FAM13A: variants seen among roughly 807,000 people sequenced by gnomAD.
FAM13A encodes protein FAM13A.
A neutral mutation model predicts 129.6 loss-of-function variants in FAM13A; 76 were observed. The ratio of observed to expected loss-of-function variants is 0.59; its 90% CI spans 0.49 to 0.71. FAM13A has a LOEUF of 0.71. Ranked by LOEUF, FAM13A falls within the 30% of genes least tolerant of loss-of-function variation. The pLI is 0.00. For missense variants in FAM13A, 1,108 were observed against 1,249.3 expected (o/e 0.89, Z 1.70); for synonymous variants, 443 against 449.9 (o/e 0.98, Z 0.20).
At chr4:88,796,326 G>A (rs1271287296) in intron 8 of FAM13A, among the ~76,000 whole-genome samples, 1 of 151,762 alleles carries the variant, frequency 6.6e-6, no homozygotes, top group Non-Finnish European at 1.5e-5. Context: ...ATTACACTGT[G>A]GTCAGAAATT....
In FAM13A at chr4:88,727,816, A is replaced by G. The variant is rs916114854; in HGVS notation, c.*717T>C. On this transcript the variant is annotated 3_prime_UTR_variant, in exon 24 of 24. Transcript: ENST00000264344. The stretch of plus-strand genomic sequence containing the variant: ...ATCAGCATTCATACAGCTGCTTACC[A>G]TCTCTCTGTCCTCTGCAGATGACCC... 3 of 152,242 alleles carry G rather than the reference A, an allele frequency of 2.0e-5. No individual in the cohort carries two copies. Among genetic ancestry groups the G allele is most frequent in the African/African-American group, 7.2e-5 (3 of 41,456 alleles). 9.4% of individuals were successfully genotyped at this position (152,242 alleles called of 1,614,324 possible).
chr4:89,040,489 T>C (rs1457640991), intron 1 of FAM13A, among the ~76,000 whole-genome samples: 2 of 152,200 alleles, frequency 1.3e-5, no homozygotes, highest in African/African-American at 4.8e-5. Flanking sequence ...AATTTAAAAA[T>C]TAACAATAAC....
chr4:88,923,329 C>A (rs1751460109), intron 5 of FAM13A, among the ~76,000 whole-genome samples: 1 of 152,172 alleles, frequency 6.6e-6, no homozygotes, highest in South Asian at 2.1e-4. Flanking sequence ...CCGAATTCAG[C>A]AGCACATCAA....
intron 5 of FAM13A, among the ~76,000 whole-genome samples, chr4:88,922,489 T>C (rs1751291175): frequency 2.6e-5 from 4 of 152,122 alleles, no homozygotes; most frequent in African/African-American, 9.6e-5. Flanking sequence ...AATAAAGATG[T>C]TCTTTGAAAC....
chr4:88,764,816 A>C (rs1745433767), intron 13 of FAM13A, among the ~76,000 whole-genome samples: 1 of 152,104 alleles, frequency 6.6e-6, no homozygotes, highest in Non-Finnish European at 1.5e-5. Context: ...GTGACTCTTG[A>C]CTTTTTTTCT....
At chr4:88,731,588 TC>T (rs1737807523) in intron 22 of FAM13A, 160 bp from the exon 23 acceptor site, 1 of 539,068 alleles carries the variant, frequency 1.9e-6, no homozygotes, top group Non-Finnish European at 3.2e-6. Flanking sequence ...GTTTTCCATT[TC>T]CTGAAAGCCA....
chr4:88,819,064 C>T (rs1731378992), intron 7 of FAM13A, among the ~76,000 whole-genome samples: 2 of 152,112 alleles, frequency 1.3e-5, no homozygotes, highest in African/African-American at 4.8e-5. Context: ...GTTTATTAAT[C>T]GTCTTTAAGT....
intron 4 of FAM13A, among the ~76,000 whole-genome samples, chr4:88,978,288 T>G (rs1466074234): frequency 6.6e-6 from 1 of 152,236 alleles, no homozygotes; most frequent in Non-Finnish European, 1.5e-5. Context: ...TTTTTAATCT[T>G]TAAAAGTCTG....
At chr4:88,821,781 C>T (rs969960454) in intron 7 of FAM13A, among the ~76,000 whole-genome samples, 1 of 152,176 alleles carries the variant, frequency 6.6e-6, no homozygotes, top group East Asian at 1.9e-4. Flanking sequence ...TATTTGTAAA[C>T]CACTTTCTGC....
chr4:89,042,062 C>A (rs1579902357), intron 1 of FAM13A, among the ~76,000 whole-genome samples: 1 of 144,566 alleles, frequency 6.9e-6, no homozygotes, highest in South Asian at 2.2e-4. Context: ...GCCTTCATTG[C>A]AGCACATCTT....
chr4:88,833,442 T>C (rs990569052), intron 7 of FAM13A, among the ~76,000 whole-genome samples: 7 of 152,326 alleles, frequency 4.6e-5, no homozygotes, highest in African/African-American at 1.7e-4. Flanking sequence ...TTAAACATTT[T>C]CTTTTGAAAA....
intron 6 of FAM13A, among the ~76,000 whole-genome samples, chr4:88,875,457 C>G (rs1742234072): frequency 6.6e-6 from 1 of 152,144 alleles, no homozygotes; most frequent in African/African-American, 2.4e-5. Context: ...ATAAATCAAA[C>G]AACCCCATCA....
intron 4 of FAM13A, among the ~76,000 whole-genome samples, chr4:88,941,982 T>A (rs987231655): frequency 8.5e-5 from 13 of 152,130 alleles, no homozygotes; most frequent in African/African-American, 2.9e-4. Context: ...GCCAAAGCCA[T>A]CTTGGCTCTA....
At chr4:88,984,419 A>T (rs1176638085) in intron 4 of FAM13A, among the ~76,000 whole-genome samples, 1 of 152,204 alleles carries the variant, frequency 6.6e-6, no homozygotes, top group Non-Finnish European at 1.5e-5. Flanking sequence ...TATGCAAAGT[A>T]TATAAACAAC....
chr4:88,885,808 C>CAA (rs60733033), intron 6 of FAM13A, among the ~76,000 whole-genome samples: 8 of 125,416 alleles, frequency 6.4e-5, no homozygotes, highest in East Asian at 2.4e-4. Context: ...AACAAATTAG[C>CAA]AAAAAAAAAA....
At chr4:88,800,710 G>GAA (rs527627636) in intron 8 of FAM13A, among the ~76,000 whole-genome samples, 13 of 129,758 alleles carry the variant, frequency 1.0e-4, no homozygotes, top group African/African-American at 3.6e-4. Flanking sequence ...AAAAAAAAAA[G>GAA]AAAAAAAAAA....
At chr4:88,876,767 A>AT (rs1742584567) in intron 6 of FAM13A, among the ~76,000 whole-genome samples, 1 of 151,758 alleles carries the variant, frequency 6.6e-6, no homozygotes, top group Admixed American at 6.6e-5. Flanking sequence ...AATTTTTTGT[A>AT]TTTTTAGTAG....
At chr4:88,885,110 C>A (rs758379366) in intron 6 of FAM13A, among the ~76,000 whole-genome samples, 70 of 151,994 alleles carry the variant, frequency 4.6e-4, no homozygotes, top group Non-Finnish European at 8.8e-4. Context: ...TAATTCCCAT[C>A]AAAATACCAC....
intron 7 of FAM13A, among the ~76,000 whole-genome samples, chr4:88,834,581 G>C (rs1241414275): frequency 6.6e-6 from 1 of 151,812 alleles, no homozygotes; most frequent in East Asian, 1.9e-4. Context: ...ATACTAAGTA[G>C]AAAAAAATGC....
Sources: gnomAD v4.1 joint callset for allele counts (sites outside exome capture counted in the v4.1 genomes callset) on GRCh38, gnomAD v4.1.1 for gene constraint, MANE v1.5 for transcripts, NCBI Gene and HGNC (gene_info 2026-07-23, HGNC 2026-07-21) for gene names.